Variants in SLC9A2 observed in about 807,000 individuals in gnomAD.
SLC9A2 encodes solute carrier family 9 member A2.
SLC9A2 carries 42 observed loss-of-function variants against 71.7 expected under a neutral mutation model. The ratio of observed to expected loss-of-function variants is 0.59; its 90% CI spans 0.46 to 0.76. The LOEUF is 0.76. SLC9A2 is among the 30% of genes least tolerant of loss of function. SLC9A2 has a pLI of 0.00. For missense variants in SLC9A2, 829 were observed against 1,017.4 expected, an observed-to-expected ratio of 0.81 and a Z score of 2.52; for synonymous variants, 396 against 392.5, an observed-to-expected ratio of 1.01 and a Z score of -0.10.
chr2:102,620,066 TG>T lies in SLC9A2; in HGVS notation c.220del (p.Asp74IlefsTer34). 2 of 1,614,040 alleles carry T rather than the reference TG, an allele frequency of 1.2e-6. No homozygotes were observed. Among genetic ancestry groups the T allele is most frequent in the Non-Finnish European group, 1.7e-6 (2 of 1,179,978 alleles). The stretch of plus-strand genomic sequence containing the variant: ...GAGAGCCGGCTGCCTGTGTTTACGC[TG>T]GATTACCCCCACGTGCAGATCCCCT... The part of the protein sequence containing the change: ...FEESRLPVFT[L>X]DYPHVQIPFE... On this transcript the variant is annotated frameshift_variant, in exon 1 of 12. Transcript: ENST00000233969. LOFTEE classifies it high-confidence loss of function.
intron 4 of SLC9A2, among the ~76,000 whole-genome samples, 161 bp downstream of exon 4, chr2:102,683,639 T>C (rs1299107196): frequency 2.6e-5 from 4 of 152,188 alleles, no homozygotes; most frequent in African/African-American, 7.2e-5. Flanking sequence ...CTCTTCCTCC[T>C]TTACTTTTTT....
At chr2:102,672,612 G>T (rs1353893937) in intron 3 of SLC9A2, among the ~76,000 whole-genome samples, 1 of 152,120 alleles carries the variant, frequency 6.6e-6, no homozygotes, top group African/African-American at 2.4e-5. Flanking sequence ...TTCTGAAGTG[G>T]CTTGTGATAA....
intron 1 of SLC9A2, among the ~76,000 whole-genome samples, chr2:102,653,952 G>A (rs1676883720): frequency 6.6e-6 from 1 of 152,242 alleles, no homozygotes; most frequent in Non-Finnish European, 1.5e-5. Flanking sequence ...TATAGGTACA[G>A]TTCTTTACCC....
chr2:102,670,492 G>C (rs923538114), intron 3 of SLC9A2, among the ~76,000 whole-genome samples: 1 of 150,056 alleles, frequency 6.7e-6, no homozygotes, highest in South Asian at 2.1e-4. Flanking sequence ...TCGAGGCCCA[G>C]ATGGACAAAA....
rs1371182670 is a variant in SLC9A2, at chr2:102,683,372, C to T, written c.1116C>T (p.Thr372=). The T allele has an allele frequency of 4.3e-6, 7 of 1,614,114 alleles. No homozygotes were observed. The highest frequency in any genetic ancestry group is 5.9e-6 in the Non-Finnish European group (7 of 1,179,970). ...AGATGCTGAGCAGTGTCAGCGAAAC[C>T]TTGATCTTCATCTTCATGGGTGTGT... ...FMKMLSSVSE[T]LIFIFMGVST... Residue 372 remains threonine (T), a synonymous_variant, in exon 4 of 12, where the codon ACC becomes ACT. Coordinates refer to ENST00000233969, the MANE Select transcript of SLC9A2 (RefSeq NM_003048.6).
At chr2:102,620,196 G>T in intron 1 of SLC9A2, 59 bp downstream of exon 1, 1 of 1,486,204 alleles carries the variant, frequency 6.7e-7, no homozygotes, top group Non-Finnish European at 9.2e-7. Context: ...ACACCTGGAG[G>T]GTGACCGGGT....
At chr2:102,703,464 C>T (rs1677913426) in intron 9 of SLC9A2, among the ~76,000 whole-genome samples, 1 of 152,140 alleles carries the variant, frequency 6.6e-6, no homozygotes, top group Non-Finnish European at 1.5e-5. Flanking sequence ...CAAAAGCCTC[C>T]AGTTTTTAAG....
intron 5 of SLC9A2, among the ~76,000 whole-genome samples, chr2:102,685,994 A>T (rs543834988): frequency 1.3e-5 from 2 of 152,346 alleles, no homozygotes; most frequent in South Asian, 4.1e-4. Flanking sequence ...TCGTGGGAAG[A>T]AGGGAGCAGC....
intron 3 of SLC9A2, among the ~76,000 whole-genome samples, chr2:102,679,145 G>T (rs1425873384): frequency 1.3e-5 from 2 of 152,062 alleles, no homozygotes; most frequent in Non-Finnish European, 2.9e-5. Flanking sequence ...CACACTCCCT[G>T]AACAGGACAC....
rs149335532 is a variant in SLC9A2, at chr2:102,673,825, C to T, written c.1004+8475C>T. Among the ~76,000 whole-genome samples the T allele has an allele frequency of 7.8e-3, 1,162 of 148,258 alleles. 17 individuals carry two copies. Among genetic ancestry groups the T allele is most frequent in the African/African-American group, 0.026 (1,066 of 40,238 alleles). On this transcript the variant is annotated intron_variant, in intron 3 of 11. Transcript: ENST00000233969. ...TTTTTGAGACCGAGTCTCACTCTGT[C>T]GCCCAGGCTGGAGTATAGTGGCGTG...
At chr2:102,653,414 C>T (rs4851627) in intron 1 of SLC9A2, among the ~76,000 whole-genome samples, 96,555 of 152,044 alleles carry the variant, frequency 0.64, 31,668 homozygotes, top group East Asian at 0.85. Context: ...CTCACTTCCT[C>T]CATGCCTCCT....
At chr2:102,671,935 A>G (rs1375764475) in intron 3 of SLC9A2, among the ~76,000 whole-genome samples, 1 of 152,038 alleles carries the variant, frequency 6.6e-6, no homozygotes. Context: ...GCGAAATCCC[A>G]TCTCTACTAA....
intron 1 of SLC9A2, among the ~76,000 whole-genome samples, chr2:102,621,788 A>C (rs1676142665): frequency 6.6e-6 from 1 of 152,234 alleles, no homozygotes; most frequent in Non-Finnish European, 1.5e-5. Flanking sequence ...AGGGAAGCAG[A>C]GAACACTTCC....
chr2:102,629,222 T>C (rs1404473267), intron 1 of SLC9A2, among the ~76,000 whole-genome samples: 2 of 152,158 alleles, frequency 1.3e-5, no homozygotes, highest in Non-Finnish European at 2.9e-5. Flanking sequence ...GCTATGTTAT[T>C]ACATACTCAT....
At chr2:102,692,545 A>G (rs1168766249) in intron 5 of SLC9A2, among the ~76,000 whole-genome samples, 3 of 152,146 alleles carry the variant, frequency 2.0e-5, no homozygotes, top group African/African-American at 7.2e-5. Flanking sequence ...ACCAAGCAAG[A>G]AACTTGGGAA....
intron 9 of SLC9A2, 106 bp downstream of exon 9, chr2:102,702,608 G>T (rs781107741): frequency 6.0e-6 from 4 of 669,416 alleles, no homozygotes; most frequent in African/African-American, 1.8e-5. Flanking sequence ...GGGCTCAGCA[G>T]GTCCCATGCT....
chr2:102,659,191 G>T (rs1677002872), intron 2 of SLC9A2, among the ~76,000 whole-genome samples: 1 of 151,862 alleles, frequency 6.6e-6, no homozygotes, highest in African/African-American at 2.4e-5. Flanking sequence ...CCTTTGGGAG[G>T]CTGAGGCAGG....
chr2:102,694,466 A>AC lies in SLC9A2; in HGVS notation c.1478_1479insC (p.Lys493AsnfsTer8). The AC allele has an allele frequency of 6.5e-7, 1 of 1,544,526 alleles. No individual in the cohort carries two copies. The highest frequency in any genetic ancestry group is 1.7e-5 in the Admixed American group (1 of 58,876). On this transcript the variant is annotated frameshift_variant, in exon 6 of 12. Coordinates refer to ENST00000233969, the MANE Select transcript of SLC9A2 (RefSeq NM_003048.6). LOFTEE classifies it high-confidence loss of function. The stretch of plus-strand genomic sequence containing the variant: ...TTTCTTGATGTCAAGAGGTCCAATA[A>AC]GAAACAACAAGCTGTCAGTGAAGAA...
intron 1 of SLC9A2, among the ~76,000 whole-genome samples, chr2:102,643,332 G>A (rs1290668358): frequency 1.3e-5 from 2 of 152,118 alleles, no homozygotes; most frequent in Non-Finnish European, 2.9e-5. Flanking sequence ...GGTGAGGATG[G>A]AATCTAAACA....
Sources: allele counts gnomAD v4.1 joint callset (sites outside exome capture counted in the v4.1 genomes callset), GRCh38; gene constraint gnomAD v4.1.1; transcripts MANE v1.5; gene names NCBI Gene and HGNC (gene_info 2026-07-23, HGNC 2026-07-21).